The following PRR15 variants were observed in gnomAD, a reference collection of about 807,000 sequenced individuals.
PRR15 encodes proline-rich protein 15.
PRR15 carries 4 observed loss-of-function variants against 3.0 expected under a neutral mutation model. The observed-to-expected ratio is 1.34, with a 90% confidence interval of 0.66 to 3.08. The LOEUF is 3.08. Ranked by LOEUF, PRR15 falls within the 30% of genes most tolerant of loss-of-function variation. The pLI is 0.01. For missense variants in PRR15, 200 were observed against 179.5 expected (o/e 1.11, Z -0.65); for synonymous variants, 82 against 79.8 (o/e 1.03, Z -0.14).
In PRR15 at chr7:29,566,607, G is replaced by C. The variant is rs1438368614; in HGVS notation, c.278G>C (p.Arg93Pro). ...AGCCGCCGCAATTTGAAGATCTCGCGCTCCGGCCGCTTTAAGGAGAAGAGG... is the reference window on the plus strand; with the variant it reads ...AGCCGCCGCAATTTGAAGATCTCGCCCTCCGGCCGCTTTAAGGAGAAGAGG... ...GSSRRNLKISRSGRFKEKRKV... is the reference protein window; with the variant it reads ...GSSRRNLKISPSGRFKEKRKV... The change falls in exon 2 of 2, where the codon CGC (arginine) becomes CCC (proline). Residue 93 changes from arginine to proline, a missense_variant. Transcript: ENST00000319694. 5.6e-6 allele frequency: 9 copies of C among 1,604,860 alleles called. No individual in the cohort carries two copies. Among genetic ancestry groups the C allele is most frequent in the Non-Finnish European group, 6.8e-6 (8 of 1,176,048 alleles).
rs1449218264 is a variant in PRR15 at position 29,566,524 on chromosome 7, C to CG, written c.200dup (p.Ala68ArgfsTer31). On this transcript the variant is annotated frameshift_variant, in exon 2 of 2. Coordinates refer to ENST00000319694, the MANE Select transcript of PRR15 (RefSeq NM_175887.3). LOFTEE classifies it high-confidence loss of function. ...GGGAGAACCAGCACCCCAATCTCCT[C>CG]GGGGGCGCCGGCGAGCCCCCCAAAC... 6.2e-7 allele frequency: 1 copy of CG among 1,604,694 alleles called. No individual in the cohort carries two copies. The highest frequency in any genetic ancestry group is 8.5e-7 in the Non-Finnish European group (1 of 1,176,068).
rs1276605120 is a variant in PRR15, at chr7:29,564,395, G to C, written c.-146+18G>C. 6.6e-6 allele frequency: 1 copy of C among 152,164 alleles called. No homozygotes were observed. The highest frequency in any genetic ancestry group is 1.5e-5 in the Non-Finnish European group (1 of 68,120). The allele number at this position is 152,164 out of a possible 1,614,324, so 9.4% of individuals were successfully genotyped here. On this transcript the variant is annotated intron_variant, in intron 1 of 1. Coordinates refer to ENST00000319694, the MANE Select transcript of PRR15 (RefSeq NM_175887.3). ...CCGAGCAGGTGAGCGACTGGGGGTG[G>C]TTCGGCGTCCGCCGAGACAGAGCCT...
At position 29,566,321 on chromosome 7, in the gene PRR15, C is replaced by A; in HGVS notation, c.-9C>A. ...ATCTGGGTGCCGGGAGCCCCTAGGC[C>A]CTCCGGCCATGGCCGACAGCGGCGA... On this transcript the variant is annotated 5_prime_UTR_variant, in exon 2 of 2. Transcript: ENST00000319694. 6.2e-7 allele frequency: 1 copy of A among 1,603,008 alleles called. No homozygotes were observed. Among genetic ancestry groups the A allele is most frequent in the Non-Finnish European group, 8.5e-7 (1 of 1,178,002 alleles).
intron 1 of PRR15, among the ~76,000 whole-genome samples, chr7:29,564,698 C>T (rs1416826276): frequency 6.6e-6 from 1 of 152,210 alleles, no homozygotes; most frequent in Non-Finnish European, 1.5e-5. Flanking sequence ...GTTGCTTTTC[C>T]GATCTGCAAA....
At chr7:29,564,803 T>C in intron 1 of PRR15, among the ~76,000 whole-genome samples, 1 of 152,196 alleles carries the variant, frequency 6.6e-6, no homozygotes, top group East Asian at 1.9e-4. Context: ...CCGTTTTTTC[T>C]TGTATTGTTT....
chr7:29,564,825 C>A (rs1431927723), intron 1 of PRR15, among the ~76,000 whole-genome samples: 3 of 152,210 alleles, frequency 2.0e-5, no homozygotes, highest in Admixed American at 2.0e-4. Context: ...CAAGTCGCTG[C>A]CCGAGTGTGT....
Position 29,566,342 on chromosome 7 carries a change from G to C in PRR15, c.13G>C (p.Gly5Arg), listed in dbSNP as rs1384030461. MADS[G>R]DAGSSGPWWK... ...AGGCCCTCCGGCCATGGCCGACAGC[G>C]GCGATGCTGGCAGCTCCGGCCCCTG... The change falls in exon 2 of 2, where the codon GGC (glycine) becomes CGC (arginine). Residue 5 changes from glycine to arginine, a missense_variant. By Grantham distance (125) the Gly-to-Arg change is moderately radical. Transcript: ENST00000319694. The C allele has an allele frequency of 6.2e-7, 1 of 1,608,222 alleles. No individual in the cohort carries two copies. Among genetic ancestry groups the C allele is most frequent in the Non-Finnish European group, 8.5e-7 (1 of 1,179,386 alleles).
chr7:29,563,888 T>G lies in PRR15; in HGVS notation c.-635T>G, dbSNP rs1792821700. 1 of 152,294 alleles carries G rather than the reference T, an allele frequency of 6.6e-6. No individual in the cohort carries two copies. Among genetic ancestry groups the G allele is most frequent in the Non-Finnish European group, 1.5e-5 (1 of 68,082 alleles). 9.4% of individuals were successfully genotyped at this position (152,294 alleles called of 1,614,324 possible). On this transcript the variant is annotated 5_prime_UTR_variant, in exon 1 of 2. Coordinates refer to ENST00000319694, the MANE Select transcript of PRR15 (RefSeq NM_175887.3). ...CAGGGTTCTGGTTTCCCGAATCACT[T>G]GGCAAATAACCAGCAGGTGGGCAGA...
In PRR15 at chr7:29,566,811, C is replaced by A; in HGVS notation, c.*92C>A. 1 of 1,245,930 alleles carries A rather than the reference C, an allele frequency of 8.0e-7. No individual in the cohort carries two copies. Among genetic ancestry groups the A allele is most frequent in the Non-Finnish European group, 1.1e-6 (1 of 916,290 alleles). The allele number at this position is 1,245,930 out of a possible 1,614,324, so 77.2% of individuals were successfully genotyped here. A position where few individuals can be genotyped will look rare whatever the true frequency, so the allele number is the denominator to read the frequency against. On this transcript the variant is annotated 3_prime_UTR_variant, in exon 2 of 2. Coordinates refer to ENST00000319694, the MANE Select transcript of PRR15 (RefSeq NM_175887.3). ...GAGACTTCAGGCCCGCCCCCTTACG[C>A]GTTGTCTCATTCCACCAAATTCAGA...
At chr7:29,565,917 T>A (rs1792890965) in intron 1 of PRR15, among the ~76,000 whole-genome samples, 1 of 152,228 alleles carries the variant, frequency 6.6e-6, no homozygotes, top group South Asian at 2.1e-4. Context: ...ACCACTGCAC[T>A]GCACTTCCCC....
chr7:29,564,199 G>A lies in PRR15; in HGVS notation c.-324G>A, dbSNP rs186521040. On this transcript the variant is annotated 5_prime_UTR_variant, in exon 1 of 2. Coordinates refer to ENST00000319694, the MANE Select transcript of PRR15 (RefSeq NM_175887.3). ...GAGGTGCCAGAGGAGACCAGCAGCAGCACTTGATTTAGCTGGGCTGCGGGA... is the reference window on the plus strand; with the variant it reads ...GAGGTGCCAGAGGAGACCAGCAGCAACACTTGATTTAGCTGGGCTGCGGGA... 9.3e-3 allele frequency: 1,415 copies of A among 152,668 alleles called. 9 individuals carry two copies. The highest frequency in any genetic ancestry group is 0.016 in the Non-Finnish European group (1,083 of 68,316). The allele number at this position is 152,668 out of a possible 1,614,324, so 9.5% of individuals were successfully genotyped here. A position where few individuals can be genotyped will look rare whatever the true frequency, so the allele number is the denominator to read the frequency against.
At chr7:29,565,125 C>T (rs1220991267) in intron 1 of PRR15, among the ~76,000 whole-genome samples, 1 of 152,246 alleles carries the variant, frequency 6.6e-6, no homozygotes, top group East Asian at 1.9e-4. Flanking sequence ...AGAAAGTGGG[C>T]TGGGAGTCTC....
rs1029566529 is a variant in PRR15 at position 29,564,020 on chromosome 7, G to C, written c.-503G>C. ...TCCCGGGCGGTGCTAGCAGGGAAGA[G>C]GGACGCGCCGGCGAATGAAACACTA... On this transcript the variant is annotated 5_prime_UTR_variant, in exon 1 of 2. Transcript: ENST00000319694. 1 of 152,248 alleles carries C rather than the reference G, an allele frequency of 6.6e-6. No individual in the cohort carries two copies. Among genetic ancestry groups the C allele is most frequent in the Non-Finnish European group, 1.5e-5 (1 of 68,104 alleles). The allele number at this position is 152,248 out of a possible 1,614,324, so 9.4% of individuals were successfully genotyped here. A position where few individuals can be genotyped will look rare whatever the true frequency, so the allele number is the denominator to read the frequency against.
intron 1 of PRR15, 129 bp from the exon 2 acceptor site, chr7:29,566,056 C>G (rs1792893745): frequency 7.5e-6 from 4 of 535,664 alleles, no homozygotes; most frequent in Non-Finnish European, 1.3e-5. Context: ...ATGTGGGCTA[C>G]GTAGCTACGG....
In PRR15 at chr7:29,564,352, C is replaced by G. The variant is rs1370131561; in HGVS notation, c.-171C>G. 2 of 152,270 alleles carry G rather than the reference C, an allele frequency of 1.3e-5. No individual in the cohort carries two copies. The highest frequency in any genetic ancestry group is 2.9e-5 in the Non-Finnish European group (2 of 68,108). 9.4% of individuals were successfully genotyped at this position (152,270 alleles called of 1,614,324 possible). The stretch of plus-strand genomic sequence containing the variant: ...CTCGGCCGCGTTCACCGCGCGAGGC[C>G]TCCGGGTCCTGTTAAGCCCGAGCAG... On this transcript the variant is annotated 5_prime_UTR_variant, in exon 1 of 2. Coordinates refer to ENST00000319694, the MANE Select transcript of PRR15 (RefSeq NM_175887.3).
At position 29,566,675 on chromosome 7, in the gene PRR15, G is replaced by C. The variant is rs1298725375; in HGVS notation, c.346G>C (p.Glu116Gln). 1 of 1,569,864 alleles carries C rather than the reference G, an allele frequency of 6.4e-7. No individual in the cohort carries two copies. Among genetic ancestry groups the C allele is most frequent in the Admixed American group, 1.8e-5 (1 of 54,394 alleles). ...GCTCCCGGAGGCGGGCAGGTCCCCG[G>C]AGGAGGCAGGCTTTCCTGGTGACCC... ...TLLPEAGRSP[E>Q]EAGFPGDPHE... Residue 116 changes from glutamate to glutamine, a missense_variant, in exon 2 of 2, where the codon GAG (glutamate) becomes CAG (glutamine). Glu to Gln is a conservative substitution (Grantham distance 29). Transcript: ENST00000319694.
At chr7:29,566,154 C>T in intron 1 of PRR15, 31 bp from the exon 2 acceptor site, 1 of 747,370 alleles carries the variant, frequency 1.3e-6, no homozygotes, top group Non-Finnish European at 2.1e-6. Flanking sequence ...CTTCAACCAA[C>T]CCAGTAACCA....
At chr7:29,564,992 G>A (rs1792857188) in intron 1 of PRR15, among the ~76,000 whole-genome samples, 1 of 152,196 alleles carries the variant, frequency 6.6e-6, no homozygotes, top group Admixed American at 6.5e-5. Context: ...TCTCCAGCGC[G>A]ATCGCCAATC....
At chr7:29,565,785 G>C (rs985037953) in intron 1 of PRR15, 1 of 153,478 alleles carries the variant, frequency 6.5e-6, no homozygotes, top group African/African-American at 2.4e-5. Flanking sequence ...GCCCTGGGTC[G>C]GATGGGTCAC....
Sources: gnomAD v4.1 joint callset for allele counts (sites outside exome capture counted in the v4.1 genomes callset) on GRCh38, gnomAD v4.1.1 for gene constraint, MANE v1.5 for transcripts, NCBI Gene and HGNC (gene_info 2026-07-23, HGNC 2026-07-21) for gene names.